Variants in CACNA2D3 observed in about 807,000 individuals in gnomAD.
CACNA2D3 encodes the protein voltage-dependent calcium channel subunit alpha-2/delta-3.
CACNA2D3 carries 60 observed loss-of-function variants against 160.6 expected under a neutral mutation model. That is an observed-to-expected ratio of 0.37 (90% CI 0.30 to 0.46). CACNA2D3 has a LOEUF of 0.46. Ranked by LOEUF, CACNA2D3 falls within the 20% of genes least tolerant of loss-of-function variation. The pLI, the probability that CACNA2D3 is intolerant of heterozygous loss-of-function variation, is 1.00. For missense variants in CACNA2D3, 1,205 were observed against 1,365.0 expected, an observed-to-expected ratio of 0.88 and a Z score of 1.85; for synonymous variants, 558 against 492.9, an observed-to-expected ratio of 1.13 and a Z score of -1.75.
chr3:54,941,844 C>G (rs1052550820), intron 27 of CACNA2D3, among the ~76,000 whole-genome samples: 1 of 152,130 alleles, frequency 6.6e-6, no homozygotes, highest in East Asian at 1.9e-4. Flanking sequence ...TTGGCCTCCT[C>G]CCTGCCACAC....
chr3:54,944,114 T>C (rs945822556), intron 27 of CACNA2D3, among the ~76,000 whole-genome samples: 1 of 152,182 alleles, frequency 6.6e-6, no homozygotes, highest in African/African-American at 2.4e-5. Flanking sequence ...TCATACCATT[T>C]CCATATCCTT....
chr3:54,167,410 C>T (rs1419384074), intron 2 of CACNA2D3, among the ~76,000 whole-genome samples: 1 of 152,142 alleles, frequency 6.6e-6, no homozygotes, highest in Non-Finnish European at 1.5e-5. Context: ...TAGCATCTTC[C>T]AGCGGGTTCC....
chr3:55,074,437 TGATAATCACCCTTCATCA>T lies in CACNA2D3; in HGVS notation c.*234_*251del. ...GTCATGCAAATGTGAGTTTGCCACA[TGATAATCACCCTTCATCA>T]GAAATGGGACCGCAAGTGGTAGGCA... On this transcript the variant is annotated 3_prime_UTR_variant, in exon 38 of 38. Coordinates refer to ENST00000474759, the MANE Select transcript of CACNA2D3 (RefSeq NM_018398.3). 5.6e-6 allele frequency: 3 copies of T among 538,030 alleles called. 1 individual carries two copies. In the South Asian group the frequency reaches 6.7e-5, roughly 12 times the overall value. The allele number at this position is 538,030 out of a possible 1,614,324, so 33.3% of individuals were successfully genotyped here.
chr3:55,040,371 ATTT>A (rs1361836387), intron 35 of CACNA2D3, among the ~76,000 whole-genome samples: 1 of 152,218 alleles, frequency 6.6e-6, no homozygotes, highest in East Asian at 1.9e-4. Context: ...CATAATAATT[ATTT>A]AAGCTACAAC....
intron 4 of CACNA2D3, among the ~76,000 whole-genome samples, chr3:54,393,250 G>A (rs920518800): frequency 6.6e-6 from 1 of 152,204 alleles, no homozygotes. Context: ...CTCCACTGGG[G>A]ACTCCTACCG....
chr3:54,583,346 T>C (rs1294094880), intron 9 of CACNA2D3, among the ~76,000 whole-genome samples: 1 of 152,204 alleles, frequency 6.6e-6, no homozygotes, highest in Non-Finnish European at 1.5e-5. Flanking sequence ...AAGAAATTAT[T>C]CTAAATTGCC....
chr3:54,827,320 G>C (rs535654712), intron 14 of CACNA2D3, among the ~76,000 whole-genome samples: 1 of 152,356 alleles, frequency 6.6e-6, no homozygotes, highest in South Asian at 2.1e-4. Flanking sequence ...AGCAACGTTT[G>C]GTAGCAAGTA....
rs1475267356 is a variant in CACNA2D3, at chr3:54,860,524, A to T, written c.1627-11015A>T. On this transcript the variant is annotated intron_variant, in intron 17 of 37. Coordinates refer to ENST00000474759, the MANE Select transcript of CACNA2D3 (RefSeq NM_018398.3). ...ATGAAGCCCATGTTTATCCAGGCTG[A>T]AATACAAATATAAATGTTATGTTCG... Among the ~76,000 whole-genome samples, 4 of 152,214 alleles carry T rather than the reference A, an allele frequency of 2.6e-5. 1 individual carries two copies. Among genetic ancestry groups the T allele is most frequent in the Non-Finnish European group, 5.9e-5 (4 of 68,040 alleles).
chr3:54,798,912 AG>A (rs1288481471), intron 13 of CACNA2D3, among the ~76,000 whole-genome samples: 1 of 152,192 alleles, frequency 6.6e-6, no homozygotes, highest in African/African-American at 2.4e-5. Flanking sequence ...TCCATTACTC[AG>A]CTGCCTGAAC....
At chr3:55,038,613 T>C (rs1304228791) in intron 35 of CACNA2D3, among the ~76,000 whole-genome samples, 1 of 152,030 alleles carries the variant, frequency 6.6e-6, no homozygotes, top group Non-Finnish European at 1.5e-5. Context: ...TTAGAATTCA[T>C]GTTAGCCTGT....
At chr3:54,736,307 ATAATT>A (rs538529995) in intron 11 of CACNA2D3, among the ~76,000 whole-genome samples, 5 of 151,608 alleles carry the variant, frequency 3.3e-5, no homozygotes, top group Non-Finnish European at 4.4e-5. Context: ...TAAATGTACT[ATAATT>A]TAATCCCCTT....
At chr3:54,920,301 A>G (rs960868104) in intron 27 of CACNA2D3, among the ~76,000 whole-genome samples, 5 of 152,196 alleles carry the variant, frequency 3.3e-5, no homozygotes, top group African/African-American at 1.2e-4. Context: ...GATAGGGCCT[A>G]TCTTGCAGTG....
At chr3:54,558,087 G>A (rs1702267063) in intron 5 of CACNA2D3, among the ~76,000 whole-genome samples, 1 of 152,170 alleles carries the variant, frequency 6.6e-6, no homozygotes, top group Admixed American at 6.5e-5. Context: ...AGGTGCACTG[G>A]GGCCAATCCT....
chr3:54,208,700 C>T (rs1701317397), intron 2 of CACNA2D3, among the ~76,000 whole-genome samples: 1 of 151,724 alleles, frequency 6.6e-6, no homozygotes. Flanking sequence ...TATGGGTCTG[C>T]TTTCCTTGTT....
chr3:54,292,725 T>C (rs760902470), intron 2 of CACNA2D3, among the ~76,000 whole-genome samples: 1 of 152,218 alleles, frequency 6.6e-6, no homozygotes, highest in Non-Finnish European at 1.5e-5. Context: ...ATGTTGTTGG[T>C]GTGAATGTAA....
chr3:54,595,996 A>G (rs2106764073), intron 9 of CACNA2D3, among the ~76,000 whole-genome samples: 1 of 152,208 alleles, frequency 6.6e-6, no homozygotes, highest in Admixed American at 6.5e-5. Flanking sequence ...ATACAATTTT[A>G]ACCAATTTGG....
At chr3:54,802,084 G>C (rs1703003007) in intron 13 of CACNA2D3, among the ~76,000 whole-genome samples, 1 of 152,152 alleles carries the variant, frequency 6.6e-6, no homozygotes, top group African/African-American at 2.4e-5. Flanking sequence ...ACCCCCTGCA[G>C]GGTTATCTCT....
intron 2 of CACNA2D3, among the ~76,000 whole-genome samples, chr3:54,159,010 A>G (rs1308722737): frequency 6.6e-6 from 1 of 152,206 alleles, no homozygotes; most frequent in Non-Finnish European, 1.5e-5. Flanking sequence ...GTGTCTGTTC[A>G]CACTGCCCAG....
chr3:54,900,459 T>C (rs1700301294), intron 27 of CACNA2D3, among the ~76,000 whole-genome samples: 1 of 152,216 alleles, frequency 6.6e-6, no homozygotes, highest in Non-Finnish European at 1.5e-5. Flanking sequence ...TGTCAGCAGC[T>C]GTCTGTGGAT....
Sources: allele counts gnomAD v4.1 joint callset (sites outside exome capture counted in the v4.1 genomes callset), GRCh38; gene constraint gnomAD v4.1.1; transcripts MANE v1.5; gene names NCBI Gene and HGNC (gene_info 2026-07-23, HGNC 2026-07-21).